Variants in EYA2 observed in about 807,000 individuals in gnomAD.
EYA2 encodes the protein EYA transcriptional coactivator and phosphatase 2, also known as protein phosphatase EYA2.
In EYA2, 31 loss-of-function variants were observed where a neutral mutation model predicts 69.2. The observed-to-expected ratio is 0.45, with a 90% CI of 0.34 to 0.60. EYA2 has a LOEUF of 0.60. EYA2 is among the 20% of genes least tolerant of loss of function. The pLI, the probability that EYA2 is intolerant of heterozygous loss-of-function variation, is 0.02. For missense variants in EYA2, 622 were observed against 701.2 expected (o/e 0.89, Z 1.28); for synonymous variants, 257 against 279.4 (o/e 0.92, Z 0.80).
chr20:47,095,841 C>T (rs1233023142), intron 8 of EYA2: 1 of 152,052 alleles, frequency 6.6e-6, no homozygotes, highest in Non-Finnish European at 1.5e-5. Context: ...TGTATTCAAG[C>T]AAAACAAGGA....
chr20:46,993,481 T>G (rs1049711544), intron 2 of EYA2, among the ~76,000 whole-genome samples: 3 of 152,178 alleles, frequency 2.0e-5, no homozygotes, highest in African/African-American at 7.2e-5. Flanking sequence ...GGACCAGCCC[T>G]CCCTCAGTTC....
intron 5 of EYA2, among the ~76,000 whole-genome samples, chr20:47,044,718 C>CA (rs1174192340): frequency 6.6e-6 from 1 of 152,162 alleles, no homozygotes; most frequent in Non-Finnish European, 1.5e-5. Context: ...TTTCATCTCA[C>CA]AAAAATCCTA....
At chr20:47,023,930 C>T (rs1383256328) in intron 5 of EYA2, among the ~76,000 whole-genome samples, 1 of 152,162 alleles carries the variant, frequency 6.6e-6, no homozygotes, top group Non-Finnish European at 1.5e-5. Context: ...CCACCATGCC[C>T]AGCCTGGGTC....
chr20:46,932,632 C>T (rs534114291), intron 1 of EYA2, among the ~76,000 whole-genome samples: 9 of 152,088 alleles, frequency 5.9e-5, no homozygotes, highest in African/African-American at 7.2e-5. Context: ...CCTGTAATCC[C>T]GGCACTTTGG....
chr20:47,139,329 T>C (rs1164396501), intron 9 of EYA2, among the ~76,000 whole-genome samples: 1 of 152,280 alleles, frequency 6.6e-6, no homozygotes, highest in Non-Finnish European at 1.5e-5. Context: ...GGAATATATA[T>C]GGAAAACAGC....
At chr20:47,156,190 C>T (rs2033948243) in intron 10 of EYA2, among the ~76,000 whole-genome samples, 1 of 100,494 alleles carries the variant, frequency 1.0e-5, no homozygotes, top group African/African-American at 3.4e-5. Flanking sequence ...ATATATTAGC[C>T]GGGCATGGTG....
chr20:46,963,885 A>G (rs1979629495), intron 1 of EYA2, among the ~76,000 whole-genome samples: 1 of 152,234 alleles, frequency 6.6e-6, no homozygotes, highest in Non-Finnish European at 1.5e-5. Context: ...GTTCAGCATG[A>G]TGGGAACACG....
chr20:47,082,469 C>A (rs1217783374), intron 7 of EYA2, among the ~76,000 whole-genome samples: 1 of 151,730 alleles, frequency 6.6e-6, no homozygotes, highest in African/African-American at 2.4e-5. Context: ...ATTTTAAATG[C>A]CATTTGAAAT....
rs946597352 is a variant in EYA2 at position 46,939,420 on chromosome 20, A to C, written c.-11+44433A>C. On this transcript the variant is annotated intron_variant, in intron 1 of 15. Coordinates refer to ENST00000327619, the MANE Select transcript of EYA2 (RefSeq NM_005244.5). ...AGATGGGGGGAGGGGAGACAAAGAG[A>C]GATAATGACTTTATTTTTATTTTTT... is the stretch of plus-strand genomic sequence containing the variant. Among the ~76,000 whole-genome samples the C allele has an allele frequency of 7.9e-5, 12 of 152,260 alleles. No homozygotes were observed. In the East Asian group the frequency reaches 2.1e-3, roughly 27 times the overall value.
chr20:47,158,995 A>G (rs192133900), intron 10 of EYA2, among the ~76,000 whole-genome samples: 5 of 152,178 alleles, frequency 3.3e-5, no homozygotes, highest in Non-Finnish European at 7.3e-5. Flanking sequence ...TAAAATAAGT[A>G]TGTATGAGTC....
rs182633558 is a variant in EYA2 at position 46,927,332 on chromosome 20, G to A, written c.-11+32345G>A. Among the ~76,000 whole-genome samples, 215 of 152,310 alleles carry A rather than the reference G, an allele frequency of 1.4e-3. 2 individuals carry two copies. Among genetic ancestry groups the A allele is most frequent in the African/African-American group, 4.8e-3 (199 of 41,564 alleles). The stretch of plus-strand genomic sequence containing the variant: ...CATATGAGCCCCGCCGGGATCTCCC[G>A]CTGCAGCAGCGAGGAAGTAGTGTGG... On this transcript the variant is annotated intron_variant, in intron 1 of 15. Transcript: ENST00000327619.
intron 1 of EYA2, among the ~76,000 whole-genome samples, chr20:46,937,226 T>C (rs184354599): frequency 8.3e-4 from 126 of 152,324 alleles, no homozygotes; most frequent in East Asian, 3.1e-3. Flanking sequence ...AGGAACTTCA[T>C]CGAGAAAAAG....
intron 5 of EYA2, among the ~76,000 whole-genome samples, chr20:47,024,799 A>G (rs1983985213): frequency 6.6e-6 from 1 of 152,228 alleles, no homozygotes; most frequent in African/African-American, 2.4e-5. Flanking sequence ...CTAGTTTTCA[A>G]ACTGTTTCAG....
At chr20:46,914,830 C>T (rs1352448356) in intron 1 of EYA2, among the ~76,000 whole-genome samples, 1 of 152,166 alleles carries the variant, frequency 6.6e-6, no homozygotes, top group Non-Finnish European at 1.5e-5. Flanking sequence ...ACTGTGCCAG[C>T]CCCATCGTCA....
chr20:47,018,665 C>T (rs771796677), intron 5 of EYA2, among the ~76,000 whole-genome samples: 24 of 152,228 alleles, frequency 1.6e-4, no homozygotes, highest in Admixed American at 3.9e-4. Flanking sequence ...TCACAGTGTT[C>T]AAGGACTCCA....
intron 1 of EYA2, among the ~76,000 whole-genome samples, chr20:46,924,625 G>A (rs149791414): frequency 0.023 from 3,203 of 138,132 alleles, 121 homozygotes; most frequent in African/African-American, 0.085. Flanking sequence ...AGCCGAAATC[G>A]CGCCACTGCA....
At chr20:47,163,510 C>T (rs1001206854) in intron 10 of EYA2, among the ~76,000 whole-genome samples, 1 of 151,810 alleles carries the variant, frequency 6.6e-6, no homozygotes, top group African/African-American at 2.4e-5. Flanking sequence ...ACCGGCCTGA[C>T]CAAGATGGAG....
chr20:46,955,823 A>T (rs1263566799), intron 1 of EYA2, among the ~76,000 whole-genome samples: 1 of 152,200 alleles, frequency 6.6e-6, no homozygotes, highest in Non-Finnish European at 1.5e-5. Flanking sequence ...TCCTATGTTG[A>T]TCACTGAGTA....
intron 7 of EYA2, among the ~76,000 whole-genome samples, chr20:47,084,732 C>T (rs1034196848): frequency 1.3e-5 from 2 of 152,060 alleles, no homozygotes; most frequent in African/African-American, 2.4e-5. Context: ...ATCACAAAGA[C>T]GGACCATACC....
Sources: allele counts gnomAD v4.1 joint callset (sites outside exome capture counted in the v4.1 genomes callset), GRCh38; gene constraint gnomAD v4.1.1; transcripts MANE v1.5; gene names NCBI Gene and HGNC (gene_info 2026-07-23, HGNC 2026-07-21).